TMEM163: variants seen among roughly 807,000 people sequenced by gnomAD.
TMEM163 encodes the protein transmembrane protein 163.
In TMEM163, 17 loss-of-function variants were observed where a neutral mutation model predicts 29.3. That is an observed-to-expected ratio of 0.58 (90% CI 0.40 to 0.87). The LOEUF is 0.87. Ranked by LOEUF, TMEM163 falls within the 40% of genes least tolerant of loss-of-function variation. TMEM163 has a pLI of 0.00. For synonymous variants in TMEM163, 157 were observed against 160.6 expected (o/e 0.98, Z 0.17); for missense variants, 303 against 381.5 (o/e 0.79, Z 1.71).
At chr2:134,696,331 A>G (rs1285898467) in intron 2 of TMEM163, among the ~76,000 whole-genome samples, 1 of 152,196 alleles carries the variant, frequency 6.6e-6, no homozygotes, top group Non-Finnish European at 1.5e-5. Context: ...CCCTAGTTTT[A>G]GAAGTTTTGA....
intron 2 of TMEM163, among the ~76,000 whole-genome samples, chr2:134,595,763 G>C (rs970000469): frequency 2.0e-4 from 31 of 152,186 alleles, no homozygotes; most frequent in South Asian, 1.0e-3. Flanking sequence ...TTCTCCACAT[G>C]CTCTCCAGCA....
chr2:134,459,490 T>C (rs981969453), intron 6 of TMEM163, among the ~76,000 whole-genome samples: 18 of 92,096 alleles, frequency 2.0e-4, no homozygotes, highest in African/African-American at 9.5e-4. Context: ...CCAGATTGGA[T>C]TGGATTGCTC....
At chr2:134,645,592 A>C (rs1404102720) in intron 2 of TMEM163, among the ~76,000 whole-genome samples, 1 of 152,272 alleles carries the variant, frequency 6.6e-6, no homozygotes, top group African/African-American at 2.4e-5. Flanking sequence ...AAAAGAACAA[A>C]TAAACAAACT....
chr2:134,531,782 G>A (rs1166071872), intron 4 of TMEM163, among the ~76,000 whole-genome samples: 1 of 152,176 alleles, frequency 6.6e-6, no homozygotes, highest in African/African-American at 2.4e-5. Flanking sequence ...GGTTTTTATG[G>A]AGGCTTCTTT....
chr2:134,675,979 T>C (rs894142475), intron 2 of TMEM163, among the ~76,000 whole-genome samples: 2 of 152,186 alleles, frequency 1.3e-5, no homozygotes, highest in Admixed American at 1.3e-4. Flanking sequence ...CAGTCAGCCC[T>C]CCTGAGCACC....
At chr2:134,527,700 A>G (rs1173269060) in intron 4 of TMEM163, among the ~76,000 whole-genome samples, 1 of 152,218 alleles carries the variant, frequency 6.6e-6, no homozygotes, top group Non-Finnish European at 1.5e-5. Context: ...GGCTGAAACC[A>G]CAAACACGGG....
chr2:134,664,470 C>A (rs1683828246), intron 2 of TMEM163, among the ~76,000 whole-genome samples: 1 of 152,176 alleles, frequency 6.6e-6, no homozygotes. Context: ...TATATAGGTC[C>A]TAATCCCTGG....
At chr2:134,596,294 G>A (rs1247661830) in intron 2 of TMEM163, among the ~76,000 whole-genome samples, 1 of 152,168 alleles carries the variant, frequency 6.6e-6, no homozygotes, top group Non-Finnish European at 1.5e-5. Flanking sequence ...TTTGTATAAG[G>A]TGTAAGGAAG....
chr2:134,520,216 G>T (rs540049971), intron 4 of TMEM163, among the ~76,000 whole-genome samples: 115 of 152,264 alleles, frequency 7.6e-4, no homozygotes, highest in Admixed American at 1.2e-3. Context: ...TCCTAAAAAT[G>T]ACTGATTTGT....
At chr2:134,545,272 G>C (rs1201537954) in intron 4 of TMEM163, among the ~76,000 whole-genome samples, 2 of 152,034 alleles carry the variant, frequency 1.3e-5, no homozygotes, top group African/African-American at 2.4e-5. Flanking sequence ...TGTGAGGCTG[G>C]CTCCCTTCTC....
At chr2:134,541,436 G>A (rs1212172804) in intron 4 of TMEM163, among the ~76,000 whole-genome samples, 1 of 152,190 alleles carries the variant, frequency 6.6e-6, no homozygotes, top group Non-Finnish European at 1.5e-5. Context: ...TCAAAATTAT[G>A]TAAGCATTTT....
intron 2 of TMEM163, among the ~76,000 whole-genome samples, chr2:134,703,990 A>G (rs1684755797): frequency 6.6e-6 from 1 of 151,972 alleles, no homozygotes; most frequent in Non-Finnish European, 1.5e-5. Context: ...TACTTCTCTC[A>G]CCTAGAATTT....
chr2:134,505,723 C>G (rs748513573), intron 4 of TMEM163, among the ~76,000 whole-genome samples: 1 of 152,172 alleles, frequency 6.6e-6, no homozygotes, highest in Non-Finnish European at 1.5e-5. Flanking sequence ...GCCGGAATTG[C>G]TTCTCACCAG....
In TMEM163 at chr2:134,470,942, C is replaced by T. The variant is rs146360207; in HGVS notation, c.556-4717G>A. ...ATCCCAGTGCTTTGAGAGGCCGAGG[C>T]GGGAAGAACACTTGAAGCCAAGAGT... On this transcript the variant is annotated intron_variant, in intron 5 of 7. Coordinates refer to ENST00000281924, the MANE Select transcript of TMEM163 (RefSeq NM_030923.5). Among the ~76,000 whole-genome samples, 204 of 152,268 alleles carry T rather than the reference C, an allele frequency of 1.3e-3. 1 individual carries two copies. The highest frequency in any genetic ancestry group is 4.5e-3 in the African/African-American group (185 of 41,552).
At chr2:134,634,851 A>G (rs557370609) in intron 2 of TMEM163, among the ~76,000 whole-genome samples, 1 of 152,402 alleles carries the variant, frequency 6.6e-6, no homozygotes, top group South Asian at 2.1e-4. Flanking sequence ...AACCTCTGCA[A>G]TAAAAGATGG....
chr2:134,716,995 C>T (rs1685052044), intron 1 of TMEM163, among the ~76,000 whole-genome samples: 1 of 152,212 alleles, frequency 6.6e-6, no homozygotes, highest in Non-Finnish European at 1.5e-5. Flanking sequence ...ACAGTCAATG[C>T]TTTCATGCTA....
At chr2:134,700,100 A>C (rs6720798) in intron 2 of TMEM163, among the ~76,000 whole-genome samples, 9 of 151,864 alleles carry the variant, frequency 5.9e-5, no homozygotes, top group African/African-American at 2.2e-4. Context: ...TACACTTTTG[A>C]TAATTTCTGA....
chr2:134,685,591 G>A (rs1484243038), intron 2 of TMEM163, among the ~76,000 whole-genome samples: 1 of 152,186 alleles, frequency 6.6e-6, no homozygotes, highest in Non-Finnish European at 1.5e-5. Flanking sequence ...GTCACTGTAA[G>A]GTCCAAGGTT....
chr2:134,677,931 G>C (rs552393400), intron 2 of TMEM163, among the ~76,000 whole-genome samples: 2 of 152,294 alleles, frequency 1.3e-5, no homozygotes, highest in Admixed American at 1.3e-4. Context: ...ACAGTAAGGA[G>C]AGACTCTGGC....
Sources: gnomAD v4.1 joint callset for allele counts (sites outside exome capture counted in the v4.1 genomes callset) on GRCh38, gnomAD v4.1.1 for gene constraint, MANE v1.5 for transcripts, NCBI Gene and HGNC (gene_info 2026-07-23, HGNC 2026-07-21) for gene names.